TMEM132C: variants seen among roughly 807,000 people sequenced by gnomAD.
TMEM132C encodes the protein protein phosphatase 1, regulatory subunit 152.
In TMEM132C, 29 loss-of-function variants were observed where a neutral mutation model predicts 61.4. The ratio of observed to expected loss-of-function variants is 0.47; its 90% CI spans 0.35 to 0.64. TMEM132C has a LOEUF of 0.64. Among genes scored for constraint, TMEM132C ranks in the 30% least tolerant of loss-of-function variants. TMEM132C has a pLI of 0.00. For synonymous variants in TMEM132C, 656 were observed against 633.1 expected (o/e 1.04, Z -0.54); for missense variants, 1,408 against 1,476.9 (o/e 0.95, Z 0.76).
intron 4 of TMEM132C, among the ~76,000 whole-genome samples, chr12:128,657,375 G>GA (rs1954336725): frequency 6.6e-6 from 1 of 152,156 alleles, no homozygotes; most frequent in Non-Finnish European, 1.5e-5. Context: ...TTGGTAGCTA[G>GA]AAAAGCTCTT....
chr12:128,404,706 G>A (rs1875278715), intron 1 of TMEM132C: 1 of 151,882 alleles, frequency 6.6e-6, no homozygotes, highest in African/African-American at 2.4e-5. Context: ...TCCATCCCTG[G>A]TCAACACGTC....
At chr12:128,523,124 C>T (rs149591040) in intron 2 of TMEM132C, among the ~76,000 whole-genome samples, 49 of 152,240 alleles carry the variant, frequency 3.2e-4, no homozygotes, top group African/African-American at 1.0e-3. Flanking sequence ...ATGAACCCTG[C>T]GAACACCGTG....
In TMEM132C at chr12:128,299,973, G is replaced by A. The variant is rs114001650; in HGVS notation, c.85+32486G>A. Among the ~76,000 whole-genome samples the A allele has an allele frequency of 5.2e-3, 785 of 152,296 alleles. 7 individuals are homozygous for A. Among genetic ancestry groups the A allele is most frequent in the African/African-American group, 0.018 (736 of 41,550 alleles). On this transcript the variant is annotated intron_variant, in intron 1 of 8. Coordinates refer to ENST00000435159, the MANE Select transcript of TMEM132C (RefSeq NM_001136103.3). ...AGGATGCCCACATTTAAATAATTCC[G>A]TCAGTGTAGTCTAGACACAGTCGGC... is the stretch of plus-strand genomic sequence containing the variant.
chr12:128,665,101 G>GCA (rs967763165), intron 4 of TMEM132C, among the ~76,000 whole-genome samples: 39 of 129,988 alleles, frequency 3.0e-4, no homozygotes, highest in African/African-American at 1.1e-3. Flanking sequence ...ACATACACAG[G>GCA]CACACACACA....
intron 2 of TMEM132C, among the ~76,000 whole-genome samples, chr12:128,435,214 G>T (rs1004005884): frequency 6.6e-6 from 1 of 152,186 alleles, no homozygotes; most frequent in Admixed American, 6.5e-5. Context: ...AACAATACAT[G>T]TCCATTGTTT....
chr12:128,667,252 T>A (rs949693878), intron 4 of TMEM132C, among the ~76,000 whole-genome samples: 7 of 152,158 alleles, frequency 4.6e-5, no homozygotes, highest in Non-Finnish European at 1.0e-4. Flanking sequence ...CAACAGCCGT[T>A]AGAAAACTAA....
At chr12:128,582,317 C>A (rs1875367646) in intron 3 of TMEM132C, among the ~76,000 whole-genome samples, 1 of 151,790 alleles carries the variant, frequency 6.6e-6, no homozygotes, top group Non-Finnish European at 1.5e-5. Context: ...AGGTCAGTGT[C>A]AATTCAAGCA....
intron 3 of TMEM132C, among the ~76,000 whole-genome samples, chr12:128,567,125 C>T (rs141835161): frequency 2.6e-4 from 39 of 152,158 alleles, no homozygotes; most frequent in African/African-American, 8.7e-4. Context: ...TCAAGTTTTC[C>T]AGGACCACTC....
chr12:128,435,758 G>A (rs1233833243), intron 2 of TMEM132C, among the ~76,000 whole-genome samples: 1 of 152,132 alleles, frequency 6.6e-6, no homozygotes, highest in Non-Finnish European at 1.5e-5. Flanking sequence ...TCCCCATCAA[G>A]CTACCAATTA....
intron 3 of TMEM132C, among the ~76,000 whole-genome samples, chr12:128,562,769 GATCAGCTTCTGT>G (rs1008640532): frequency 6.9e-6 from 1 of 144,314 alleles, no homozygotes; most frequent in African/African-American, 2.6e-5. Flanking sequence ...AGGATAAAGG[GATCAGCTTCTGT>G]GACAGCAGCC....
chr12:128,310,963 A>G (rs905251551), intron 1 of TMEM132C, among the ~76,000 whole-genome samples: 2 of 152,232 alleles, frequency 1.3e-5, no homozygotes, highest in African/African-American at 4.8e-5. Flanking sequence ...TACAAATTAT[A>G]TGGGTGTATT....
At chr12:128,662,135 T>C (rs940228249) in intron 4 of TMEM132C, among the ~76,000 whole-genome samples, 1 of 152,180 alleles carries the variant, frequency 6.6e-6, no homozygotes, top group Non-Finnish European at 1.5e-5. Context: ...ATAAATACAT[T>C]TTAAATGTGT....
intron 3 of TMEM132C, among the ~76,000 whole-genome samples, chr12:128,544,934 A>G (rs1032974750): frequency 3.3e-5 from 5 of 152,174 alleles, no homozygotes; most frequent in African/African-American, 1.2e-4. Context: ...CCATGCCTGT[A>G]TTTTACCATT....
intron 1 of TMEM132C, among the ~76,000 whole-genome samples, chr12:128,358,540 G>T (rs1281212321): frequency 7.0e-6 from 1 of 142,096 alleles, no homozygotes; most frequent in East Asian, 2.0e-4. Context: ...GTGCATGTGC[G>T]CCTGAACTTC....
chr12:128,527,698 T>C (rs951302536), intron 2 of TMEM132C, among the ~76,000 whole-genome samples: 1 of 96,696 alleles, frequency 1.0e-5, no homozygotes, highest in Non-Finnish European at 2.1e-5. Flanking sequence ...TGTACGTGAA[T>C]GTGCATGTAT....
intron 4 of TMEM132C, among the ~76,000 whole-genome samples, chr12:128,635,108 T>C (rs1565997979): frequency 1.3e-5 from 2 of 152,250 alleles, no homozygotes; most frequent in South Asian, 2.1e-4. Flanking sequence ...GCATTTGCTG[T>C]AATCAGACCT....
At chr12:128,448,595 T>G (rs1011133837) in intron 2 of TMEM132C, among the ~76,000 whole-genome samples, 8 of 152,156 alleles carry the variant, frequency 5.3e-5, no homozygotes, top group Admixed American at 4.6e-4. Context: ...TTTTGCCACC[T>G]TCTTTCGGCC....
At position 128,532,640 on chromosome 12, in the gene TMEM132C, C is replaced by CAAAAAAAAAAAAAAA. The variant is rs61283555; in HGVS notation, c.975-11304_975-11290dup. Among the ~76,000 whole-genome samples the CAAAAAAAAAAAAAAA allele has an allele frequency of 1.3e-4, 9 of 67,160 alleles. 1 individual carries two copies. Among genetic ancestry groups the CAAAAAAAAAAAAAAA allele is most frequent in the African/African-American group, 5.9e-4 (8 of 13,584 alleles). The allele number at this position is 67,160 out of a possible 152,430, so 44.1% of individuals were successfully genotyped here. ...TGGGTGACAGAGTGAGACTCCATCT[C>CAAAAAAAAAAAAAAA]AAAAAAAAAAAAAAAAAAAAAAAAA... On this transcript the variant is annotated intron_variant, in intron 2 of 8. Coordinates refer to ENST00000435159, the MANE Select transcript of TMEM132C (RefSeq NM_001136103.3).
chr12:128,577,481 G>A (rs373513518), intron 3 of TMEM132C, among the ~76,000 whole-genome samples: 10 of 152,174 alleles, frequency 6.6e-5, no homozygotes, highest in East Asian at 3.8e-4. Context: ...GGTGACACTC[G>A]CTTTTCCAGG....
Sources: allele counts gnomAD v4.1 joint callset (sites outside exome capture counted in the v4.1 genomes callset), GRCh38; gene constraint gnomAD v4.1.1; transcripts MANE v1.5; gene names NCBI Gene and HGNC (gene_info 2026-07-23, HGNC 2026-07-21).